The following TOM1L1 variants were observed in gnomAD, a reference collection of about 807,000 sequenced individuals.
The protein encoded by TOM1L1 is TOM1-like protein 1.
Under a neutral mutation model 63.4 loss-of-function variants are expected in TOM1L1, and 64 were observed. That is an observed-to-expected ratio of 1.01 (90% CI 0.83 to 1.24). The LOEUF is 1.24. Among genes scored for constraint, TOM1L1 ranks in the 50% most tolerant of loss-of-function variants. The probability of loss-of-function intolerance (pLI) is 0.00; values close to 1 mark genes in which losing one functional copy is unlikely to be tolerated. For missense variants in TOM1L1, 536 were observed against 567.0 expected, an observed-to-expected ratio of 0.95 and a Z score of 0.55; for synonymous variants, 166 against 194.4, an observed-to-expected ratio of 0.85 and a Z score of 1.22.
chr17:54,910,993 C>A (rs1389353270), intron 3 of TOM1L1, among the ~76,000 whole-genome samples: 1 of 152,182 alleles, frequency 6.6e-6, no homozygotes, highest in African/African-American at 2.4e-5. Flanking sequence ...TTTCTATGAC[C>A]TTTCTAATTT....
At chr17:54,942,020 C>T (rs187381172) in intron 11 of TOM1L1, among the ~76,000 whole-genome samples, 88 of 152,156 alleles carry the variant, frequency 5.8e-4, no homozygotes, top group African/African-American at 2.0e-3. Flanking sequence ...TTCACCATCA[C>T]AGAAAAAGTG....
chr17:54,950,452 T>G (rs1416780059), intron 14 of TOM1L1, among the ~76,000 whole-genome samples: 2 of 152,224 alleles, frequency 1.3e-5, no homozygotes, highest in African/African-American at 2.4e-5. Flanking sequence ...ATTGGTGACA[T>G]AAGTTTATGC....
At chr17:54,929,957 G>T (rs181022974) in intron 7 of TOM1L1, 116 bp from the exon 8 acceptor site, 28 of 1,265,966 alleles carry the variant, frequency 2.2e-5, no homozygotes, top group Non-Finnish European at 2.9e-5. Flanking sequence ...CTTTGGTAGT[G>T]CCCCACAGGC....
chr17:54,937,260 G>A (rs376385141), intron 10 of TOM1L1, 34 bp downstream of exon 10: 1 of 1,477,414 alleles, frequency 6.8e-7, no homozygotes, highest in Non-Finnish European at 9.5e-7. Flanking sequence ...CAGACCAGCA[G>A]AAGAGCTTGA....
chr17:54,947,187 A>G (rs2049133902), intron 11 of TOM1L1, 74 bp from the exon 12 acceptor site: 1 of 1,452,102 alleles, frequency 6.9e-7, no homozygotes, highest in Non-Finnish European at 9.7e-7. Context: ...TTTTTAGACT[A>G]GGAAAATTAT....
chr17:54,912,704 C>T lies in TOM1L1; in HGVS notation c.261C>T (p.Phe87=). The change falls in exon 4 of 16, where the codon TTC becomes TTT. Residue 87 remains phenylalanine, a synonymous_variant. Coordinates refer to ENST00000575882, the MANE Select transcript of TOM1L1 (RefSeq NM_005486.3). ...DMCVQNCGPS[F]QSLIVKKEFV... ...GTGTGCAGAACTGTGGTCCAAGTTT[C>T]CAGTCTCTGATTGTGAAGAAGGAAT... 1.9e-6 allele frequency: 3 copies of T among 1,606,788 alleles called. No homozygotes were observed. Among genetic ancestry groups the T allele is most frequent in the Non-Finnish European group, 2.5e-6 (3 of 1,177,744 alleles).
At chr17:54,942,100 G>A (rs937222577) in intron 11 of TOM1L1, among the ~76,000 whole-genome samples, 2 of 151,792 alleles carry the variant, frequency 1.3e-5, no homozygotes, top group Non-Finnish European at 2.9e-5. Context: ...ATAAAACATA[G>A]GTCATTTTTT....
intron 11 of TOM1L1, among the ~76,000 whole-genome samples, chr17:54,940,455 C>A (rs1426412895): frequency 2.6e-5 from 4 of 152,126 alleles, no homozygotes; most frequent in Non-Finnish European, 4.4e-5. Flanking sequence ...GCATTTATTT[C>A]TTTGAATCTG....
intron 7 of TOM1L1, among the ~76,000 whole-genome samples, chr17:54,925,663 G>A (rs1457414928): frequency 6.6e-6 from 1 of 152,152 alleles, no homozygotes; most frequent in Non-Finnish European, 1.5e-5. Context: ...CAGCACTTTG[G>A]GAGGCCAAGG....
At chr17:54,912,101 A>G (rs1342063987) in intron 3 of TOM1L1, among the ~76,000 whole-genome samples, 2 of 152,194 alleles carry the variant, frequency 1.3e-5, no homozygotes, top group Non-Finnish European at 2.9e-5. Context: ...TGTCTAGAAT[A>G]TAGCTCTATA....
chr17:54,931,120 T>G (rs915423218), intron 8 of TOM1L1, among the ~76,000 whole-genome samples: 2 of 149,996 alleles, frequency 1.3e-5, no homozygotes, highest in African/African-American at 2.5e-5. Context: ...GAATCTCTAC[T>G]TGCACAGTGA....
chr17:54,945,099 T>A (rs184959945), intron 11 of TOM1L1, among the ~76,000 whole-genome samples: 62 of 152,292 alleles, frequency 4.1e-4, no homozygotes, highest in African/African-American at 1.4e-3. Flanking sequence ...TTGTGGGTAC[T>A]CCTTGGATTT....
At position 54,961,434 on chromosome 17, in the gene TOM1L1, C is replaced by T. The variant is rs1305950296; in HGVS notation, c.*201C>T. 3 of 1,509,562 alleles carry T rather than the reference C, an allele frequency of 2.0e-6. No individual in the cohort carries two copies. The highest frequency in any genetic ancestry group is 2.8e-5 in the African/African-American group (2 of 71,298). The allele number at this position is 1,509,562 out of a possible 1,614,324, so 93.5% of individuals were successfully genotyped here. ...TCCTGACAACAGCGTGAGATTTCAA[C>T]AGAACTTGTTTGGAACAAATACTCA... On this transcript the variant is annotated 3_prime_UTR_variant, in exon 16 of 16. Coordinates refer to ENST00000575882, the MANE Select transcript of TOM1L1 (RefSeq NM_005486.3).
chr17:54,912,240 TGTAATTTATCATCC>T (rs1490287796), intron 3 of TOM1L1, among the ~76,000 whole-genome samples: 1 of 152,164 alleles, frequency 6.6e-6, no homozygotes, highest in Non-Finnish European at 1.5e-5. Context: ...GGGGTGACTG[TGTAATTTATCATCC>T]AAACCAGGAC....
At chr17:54,961,081 C>G in intron 15 of TOM1L1, 154 bp from the exon 16 acceptor site, 4 of 645,014 alleles carry the variant, frequency 6.2e-6, no homozygotes, top group Non-Finnish European at 1.1e-5. Context: ...TTATTTATTC[C>G]CCTTATACCC....
At chr17:54,961,080 C>T in intron 15 of TOM1L1, 155 bp from the exon 16 acceptor site, 1 of 635,520 alleles carries the variant, frequency 1.6e-6, no homozygotes, top group Non-Finnish European at 2.8e-6. Context: ...CTTATTTATT[C>T]CCCTTATACC....
At chr17:54,949,809 T>C (rs1280146946) in intron 13 of TOM1L1, among the ~76,000 whole-genome samples, 186 bp downstream of exon 13, 1 of 152,222 alleles carries the variant, frequency 6.6e-6, no homozygotes, top group African/African-American at 2.4e-5. Flanking sequence ...AAAATGCTTG[T>C]GTTAAACTGA....
intron 8 of TOM1L1, among the ~76,000 whole-genome samples, chr17:54,933,235 A>G (rs576847928): frequency 2.6e-5 from 4 of 152,250 alleles, no homozygotes; most frequent in African/African-American, 9.6e-5. Flanking sequence ...CTCCATCTTC[A>G]AAGCCAACCA....
intron 8 of TOM1L1, among the ~76,000 whole-genome samples, chr17:54,931,915 G>GCTTT (rs1311472954): frequency 4.6e-5 from 7 of 151,276 alleles, no homozygotes; most frequent in African/African-American, 7.3e-5. Flanking sequence ...TAGGAACCAT[G>GCTTT]CTTGCTTTCT....
Sources: allele counts gnomAD v4.1 joint callset (sites outside exome capture counted in the v4.1 genomes callset), GRCh38; gene constraint gnomAD v4.1.1; transcripts MANE v1.5; gene names NCBI Gene and HGNC (gene_info 2026-07-23, HGNC 2026-07-21).